BOLL: variants seen among roughly 807,000 people sequenced by gnomAD.
BOLL encodes the protein protein boule-like.
BOLL carries 23 observed loss-of-function variants against 44.4 expected under a neutral mutation model. The observed-to-expected ratio is 0.52, with a 90% confidence interval of 0.37 to 0.73. The LOEUF (loss-of-function observed/expected upper bound fraction) is 0.73, where lower values mean the gene tolerates loss of function less well. Among genes scored for constraint, BOLL ranks in the 30% least tolerant of loss-of-function variants. The probability of loss-of-function intolerance (pLI) is 0.00; values close to 1 mark genes in which losing one functional copy is unlikely to be tolerated. For missense variants in BOLL, 287 were observed against 338.3 expected, an observed-to-expected ratio of 0.85 and a Z score of 1.19; for synonymous variants, 97 against 110.8, an observed-to-expected ratio of 0.88 and a Z score of 0.78.
intron 9 of BOLL, among the ~76,000 whole-genome samples, chr2:197,746,934 G>A (rs1688014121): frequency 6.6e-6 from 1 of 151,172 alleles, no homozygotes; most frequent in African/African-American, 2.4e-5. Context: ...GAGAAGAATG[G>A]TGGTTGCCAG....
At chr2:197,783,016 C>G (rs1444362204) in intron 1 of BOLL, among the ~76,000 whole-genome samples, 1 of 151,538 alleles carries the variant, frequency 6.6e-6, no homozygotes, top group Non-Finnish European at 1.5e-5. Flanking sequence ...GAAAAAAAAC[C>G]CAAGACTTGA....
rs746870760 is a variant in BOLL, at chr2:197,766,524, A to G, written c.552+8T>C. 2 of 1,596,202 alleles carry G rather than the reference A, an allele frequency of 1.3e-6. No homozygotes were observed. On this transcript the variant is annotated splice_region_variant and intron_variant, in intron 7 of 10. Coordinates refer to ENST00000392296, the MANE Select transcript of BOLL (RefSeq NM_033030.6). ...TCAGAGAGAATTTTAATTGTAATTT[A>G]TGTTTACCTGGTAGTGATATGCAGG... is the stretch of plus-strand genomic sequence containing the variant.
chr2:197,784,391 C>CATATATAT (rs60865376), intron 1 of BOLL, among the ~76,000 whole-genome samples: 1 of 55,000 alleles, frequency 1.8e-5, no homozygotes, highest in Non-Finnish European at 3.1e-5. Flanking sequence ...CAGTCTAATA[C>CATATATAT]ATATATATAT....
Position 197,727,709 on chromosome 2 carries a change from G to A in BOLL, c.*846C>T, listed in dbSNP as rs1574783728. 1 of 152,208 alleles carries A rather than the reference G, an allele frequency of 6.6e-6. No individual in the cohort carries two copies. Among genetic ancestry groups the A allele is most frequent in the Non-Finnish European group, 1.5e-5 (1 of 68,004 alleles). The allele number at this position is 152,208 out of a possible 1,614,324, so 9.4% of individuals were successfully genotyped here. A position where few individuals can be genotyped will look rare whatever the true frequency, so the allele number is the denominator to read the frequency against. ...AGCATTCAAAGAACAGTAATTTGGT[G>A]GAATTTCAGTCAGTGTTATGGGATC... On this transcript the variant is annotated 3_prime_UTR_variant, in exon 11 of 11. Transcript: ENST00000392296.
chr2:197,751,193 A>T (rs1311101910), intron 9 of BOLL, among the ~76,000 whole-genome samples: 1 of 152,046 alleles, frequency 6.6e-6, no homozygotes, highest in Non-Finnish European at 1.5e-5. Flanking sequence ...CAGAAGAAAG[A>T]GGGAAAGATC....
At chr2:197,732,137 G>A (rs1307142092) in intron 10 of BOLL, among the ~76,000 whole-genome samples, 12 of 151,116 alleles carry the variant, frequency 7.9e-5, no homozygotes, top group Admixed American at 4.6e-4. Flanking sequence ...TATCACCACC[G>A]AGCCCACAGA....
intron 10 of BOLL, 43 bp from the exon 11 acceptor site, chr2:197,728,621 A>G (rs747669838): frequency 1.7e-5 from 22 of 1,324,782 alleles, no homozygotes; most frequent in Admixed American, 1.9e-5. Flanking sequence ...GACTGAATGG[A>G]AAAAAAAAGA....
intron 10 of BOLL, among the ~76,000 whole-genome samples, chr2:197,741,733 A>G (rs1317472469): frequency 6.6e-6 from 1 of 152,112 alleles, no homozygotes; most frequent in Admixed American, 6.5e-5. Context: ...AGGCAATACC[A>G]TTCAGGACAT....
chr2:197,775,802 AG>A, intron 4 of BOLL, 62 bp from the exon 5 acceptor site: 1 of 966,726 alleles, frequency 1.0e-6, no homozygotes, highest in East Asian at 3.0e-5. Flanking sequence ...AAAATCAATA[AG>A]GAAAAACTAG....
intron 7 of BOLL, 26 bp downstream of exon 7, chr2:197,766,506 G>C (rs370737957): frequency 1.2e-5 from 19 of 1,562,840 alleles, no homozygotes; most frequent in East Asian, 2.2e-5. Flanking sequence ...GTTTCAGAGA[G>C]AATTTTAATT....
chr2:197,743,125 T>C lies in BOLL; in HGVS notation c.764A>G (p.His255Arg). 1 of 1,605,176 alleles carries C rather than the reference T, an allele frequency of 6.2e-7. No individual in the cohort carries two copies. The highest frequency in any genetic ancestry group is 8.5e-7 in the Non-Finnish European group (1 of 1,175,848). Residue 255 changes from histidine (H) to arginine (R), a missense_variant, in exon 10 of 11, where the codon CAC becomes CGC. By Grantham distance (29) the His-to-Arg change is conservative. Coordinates refer to ENST00000392296, the MANE Select transcript of BOLL (RefSeq NM_033030.6). ...YSDHGVQATY[H>R]QVYAPSAITM... ...GATGGCACTTGGAGCATAAACCTGG[T>C]GATATGTTGCTTGAACTCCATGATC...
intron 5 of BOLL, 140 bp downstream of exon 5, chr2:197,775,523 TCA>T (rs923254325): frequency 1.1e-5 from 6 of 563,372 alleles, no homozygotes; most frequent in African/African-American, 1.0e-4. Flanking sequence ...GCAAAAATAT[TCA>T]GTTTTTCCAC....
chr2:197,747,309 C>T lies in BOLL; in HGVS notation c.730-4150G>A, dbSNP rs573473077. On this transcript the variant is annotated intron_variant, in intron 9 of 10. Transcript: ENST00000392296. The stretch of plus-strand genomic sequence containing the variant: ...AAAAAAGTAGGTGGGGCAGGCCAGG[C>T]GCAGTGGCTCACGCCTGTAATCTCA... Among the ~76,000 whole-genome samples the T allele has an allele frequency of 1.4e-4, 22 of 151,846 alleles. No individual in the cohort carries two copies. In the East Asian group the frequency reaches 3.5e-3, roughly 24 times the overall value.
Position 197,756,536 on chromosome 2 carries a change from T to A in BOLL, c.621A>T (p.Pro207=). 1 of 1,610,924 alleles carries A rather than the reference T, an allele frequency of 6.2e-7. No homozygotes were observed. The highest frequency in any genetic ancestry group is 8.5e-7 in the Non-Finnish European group (1 of 1,178,054). ...SVPQPSASSA[P]FLYLQPSEVI... is the part of the protein sequence containing the mutation. ...CCTCAGAAGGTTGCAGGTATAAGAA[T>A]GGAGCAGAAGAGGCAGAAGGCTAAA... Residue 207 remains proline (P), a synonymous_variant, in exon 9 of 11, where the codon CCA becomes CCT. Transcript: ENST00000392296.
intron 6 of BOLL, among the ~76,000 whole-genome samples, chr2:197,768,799 A>T (rs1330838428): frequency 6.7e-6 from 1 of 148,238 alleles, no homozygotes; most frequent in South Asian, 2.2e-4. Flanking sequence ...CTGTGGGTTT[A>T]TCATAAATAG....
chr2:197,777,452 T>C (rs1029340977), intron 3 of BOLL, among the ~76,000 whole-genome samples: 4 of 151,822 alleles, frequency 2.6e-5, no homozygotes, highest in African/African-American at 7.2e-5. Flanking sequence ...TTTAAACTAA[T>C]AGAAGTTTGG....
chr2:197,735,353 A>T (rs1687435185), intron 10 of BOLL, among the ~76,000 whole-genome samples: 1 of 151,966 alleles, frequency 6.6e-6, no homozygotes, highest in South Asian at 2.1e-4. Flanking sequence ...TCCTCCAATG[A>T]TTTTTCTCTA....
chr2:197,738,990 T>C (rs1687620963), intron 10 of BOLL, among the ~76,000 whole-genome samples: 1 of 152,158 alleles, frequency 6.6e-6, no homozygotes, highest in South Asian at 2.1e-4. Context: ...TAGTAATACA[T>C]GCATATTAAA....
intron 7 of BOLL, among the ~76,000 whole-genome samples, chr2:197,766,298 G>T (rs192709259): frequency 3.4e-4 from 51 of 152,228 alleles, no homozygotes; most frequent in African/African-American, 9.9e-4. Flanking sequence ...AACCAACAGT[G>T]TATAAGTGTT....
Sources: gnomAD v4.1 joint callset for allele counts (sites outside exome capture counted in the v4.1 genomes callset) on GRCh38, gnomAD v4.1.1 for gene constraint, MANE v1.5 for transcripts, NCBI Gene and HGNC (gene_info 2026-07-23, HGNC 2026-07-21) for gene names.